Variants in TPCN1 observed in about 807,000 individuals in gnomAD.
The protein encoded by TPCN1 is two pore segment channel 1, also known as two pore channel protein 1.
TPCN1 carries 52 observed loss-of-function variants against 108.8 expected under a neutral mutation model. The ratio of observed to expected loss-of-function variants is 0.48; its 90% confidence interval spans 0.38 to 0.60. The LOEUF is 0.60. Among genes scored for constraint, TPCN1 ranks in the 20% least tolerant of loss-of-function variants. TPCN1 has a pLI of 0.00. For synonymous variants in TPCN1, 446 were observed against 433.7 expected (o/e 1.03, Z -0.35); for missense variants, 806 against 1,072.8 (o/e 0.75, Z 3.47).
intron 1 of TPCN1, among the ~76,000 whole-genome samples, chr12:113,222,875 C>G (rs963939226): frequency 6.6e-6 from 1 of 152,218 alleles, no homozygotes. Context: ...GAAACCTCTT[C>G]TCTGTGAGTT....
At position 113,288,463 on chromosome 12, in the gene TPCN1, A is replaced by C; in HGVS notation, c.1706+229A>C. The stretch of plus-strand genomic sequence containing the variant: ...TTAGTAGGGAGGGCAGGGAGCTGTC[A>C]ACTCGCTTACCACCTGTGTCTACAT... On this transcript the variant is annotated intron_variant, in intron 20 of 27. Coordinates refer to ENST00000335509, the MANE Select transcript of TPCN1 (RefSeq NM_017901.6). The surrounding 1 kb of genome is among the most constrained non-coding windows in gnomAD (Gnocchi z 4.8). The C allele has an allele frequency of 1.3e-6, 2 of 1,496,040 alleles. No homozygotes were observed. Among genetic ancestry groups the C allele is most frequent in the Non-Finnish European group, 1.8e-6 (2 of 1,124,254 alleles). 92.7% of individuals were successfully genotyped at this position (1,496,040 alleles called of 1,614,324 possible).
rs914714919 is a variant in TPCN1 at position 113,268,642 on chromosome 12, A to C, written c.529-100A>C. On this transcript the variant is annotated intron_variant, in intron 5 of 27. Transcript: ENST00000335509. The surrounding 1 kb of genome is among the most constrained non-coding windows in gnomAD (Gnocchi z 7.3). ...GCTGGAGAGAGGAGAAGGCCTCCCGAGGCCAGAGTGGGCACTGCCTCTCCA... is the reference window on the plus strand; with the variant it reads ...GCTGGAGAGAGGAGAAGGCCTCCCGCGGCCAGAGTGGGCACTGCCTCTCCA... 8 of 1,494,668 alleles carry C rather than the reference A, an allele frequency of 5.4e-6. No homozygotes were observed. Among genetic ancestry groups the C allele is most frequent in the Middle Eastern group, 2.4e-4 (1 of 4,170 alleles). 92.6% of individuals were successfully genotyped at this position (1,494,668 alleles called of 1,614,324 possible). A position where few individuals can be genotyped will look rare whatever the true frequency, so the allele number is the denominator to read the frequency against.
chr12:113,294,863 C>T (rs1956376968), intron 27 of TPCN1, among the ~76,000 whole-genome samples: 1 of 152,184 alleles, frequency 6.6e-6, no homozygotes. Context: ...TGGCTTTGCT[C>T]TGTTTTCTGG....
At chr12:113,240,385 G>T (rs563985834) in intron 2 of TPCN1, among the ~76,000 whole-genome samples, 1 of 152,098 alleles carries the variant, frequency 6.6e-6, no homozygotes, top group South Asian at 2.1e-4. Flanking sequence ...TGAGTGTCGC[G>T]CAGTCTGCAA....
At chr12:113,240,111 G>T (rs1172609146) in intron 2 of TPCN1, among the ~76,000 whole-genome samples, 1 of 152,172 alleles carries the variant, frequency 6.6e-6, no homozygotes, top group Non-Finnish European at 1.5e-5. Context: ...TTACTGCACA[G>T]CCTCGAGCCA....
At chr12:113,249,424 G>A (rs891890591) in intron 2 of TPCN1, 1 of 152,284 alleles carries the variant, frequency 6.6e-6, no homozygotes, top group African/African-American at 2.4e-5. Context: ...TGGGGAGCCA[G>A]GAAGCCTGGA....
intron 1 of TPCN1, among the ~76,000 whole-genome samples, chr12:113,226,278 A>T (rs1283633355): frequency 6.6e-6 from 1 of 151,810 alleles, no homozygotes; most frequent in Admixed American, 6.6e-5. Context: ...ATTAAGATAT[A>T]ATTTACCATT....
chr12:113,286,337 A>T (rs1361910698), intron 18 of TPCN1, among the ~76,000 whole-genome samples: 2 of 132,766 alleles, frequency 1.5e-5, no homozygotes, highest in Admixed American at 7.5e-5. Flanking sequence ...CCTTCTCCCT[A>T]TTCCCCAGAG....
intron 22 of TPCN1, 104 bp downstream of exon 22, chr12:113,290,347 C>T (rs1225244814): frequency 7.3e-6 from 6 of 823,568 alleles, no homozygotes; most frequent in Non-Finnish European, 1.2e-5. Flanking sequence ...CTGGGCCACA[C>T]TTTCTGGAAG....
chr12:113,277,338 G>T lies in TPCN1; in HGVS notation c.1158G>T (p.Leu386=). 6.2e-7 allele frequency: 1 copy of T among 1,614,190 alleles called. No individual in the cohort carries two copies. Among genetic ancestry groups the T allele is most frequent in the South Asian group, 1.1e-5 (1 of 91,082 alleles). The change falls in exon 12 of 28, where the codon CTG becomes CTT. Residue 386 remains leucine (L), a synonymous_variant. Coordinates refer to ENST00000335509, the MANE Select transcript of TPCN1 (RefSeq NM_017901.6). ...ARERYLTFKA[L]NQNNTPLLSL... ...AGCGCTATCTTACCTTCAAGGCCCT[G>T]AATCAGAACAACACACCCCTGCTCA...
chr12:113,285,973 G>A lies in TPCN1; in HGVS notation c.1526+12G>A. ...TCCGGATGGAACTTGTGAGTGGACA[G>A]CATGTTTCTGACCCAAAGCTGAGAC... On this transcript the variant is annotated intron_variant, in intron 18 of 27. Transcript: ENST00000335509. 6.2e-7 allele frequency: 1 copy of A among 1,612,522 alleles called. No homozygotes were observed. The highest frequency in any genetic ancestry group is 8.5e-7 in the Non-Finnish European group (1 of 1,178,492).
At chr12:113,229,286 G>C (rs1953587821) in intron 2 of TPCN1, among the ~76,000 whole-genome samples, 1 of 152,156 alleles carries the variant, frequency 6.6e-6, no homozygotes, top group South Asian at 2.1e-4. Flanking sequence ...CTTCTTACTG[G>C]GTCATTTTTT....
intron 3 of TPCN1, among the ~76,000 whole-genome samples, chr12:113,260,947 C>T (rs1372778725): frequency 6.6e-6 from 1 of 151,826 alleles, no homozygotes; most frequent in Non-Finnish European, 1.5e-5. Context: ...AATCCCAGCA[C>T]TTTGGGAGGC....
intron 25 of TPCN1, chr12:113,292,309 C>T (rs1006892451): frequency 3.3e-6 from 1 of 300,850 alleles, no homozygotes. Context: ...GTCATCTCCA[C>T]GTTTCTCAAT....
At chr12:113,267,780 G>C (rs1187141803) in intron 4 of TPCN1, 63 bp from the exon 5 acceptor site, 47 of 1,155,350 alleles carry the variant, frequency 4.1e-5, no homozygotes. Flanking sequence ...GGGAGGGTTG[G>C]GCAAAGAGGA....
rs1454432662 is a variant in TPCN1 at position 113,273,953 on chromosome 12, A to G, written c.942+285A>G. On this transcript the variant is annotated intron_variant, in intron 10 of 27. Transcript: ENST00000335509. The surrounding 1 kb of genome is among the most constrained non-coding windows in gnomAD (Gnocchi z 4.0). ...GCAACCCTGGGACCTTTTCATTCTT[A>G]CATCAGAAATAAGCAGTTGACCCTC... Among the ~76,000 whole-genome samples, 1 of 152,194 alleles carries G rather than the reference A, an allele frequency of 6.6e-6. No individual in the cohort carries two copies. Among genetic ancestry groups the G allele is most frequent in the Non-Finnish European group, 1.5e-5 (1 of 68,038 alleles).
Position 113,290,094 on chromosome 12 carries a change from A to C in TPCN1, c.1797-34A>C, listed in dbSNP as rs1412085240. 3 of 1,395,688 alleles carry C rather than the reference A, an allele frequency of 2.1e-6. No individual in the cohort carries two copies. The African/African-American group carries it at 4.3e-5, about 20-fold the overall frequency. The allele number at this position is 1,395,688 out of a possible 1,614,324, so 86.5% of individuals were successfully genotyped here. On this transcript the variant is annotated intron_variant, in intron 21 of 27. Coordinates refer to ENST00000335509, the MANE Select transcript of TPCN1 (RefSeq NM_017901.6). ...TCTGGAGGTGACTGATCGCCTTGTGACCCTCCCTCCTTTCTCCCTTGTGCT... is the reference window on the plus strand; with the variant it reads ...TCTGGAGGTGACTGATCGCCTTGTGCCCCTCCCTCCTTTCTCCCTTGTGCT...
intron 15 of TPCN1, among the ~76,000 whole-genome samples, chr12:113,283,695 A>T (rs1015032412): frequency 6.6e-6 from 1 of 151,938 alleles, no homozygotes; most frequent in African/African-American, 2.4e-5. Flanking sequence ...TCTCTTAGAG[A>T]GAGGGTCTTG....
intron 2 of TPCN1, 146 bp from the exon 3 acceptor site, chr12:113,260,222 C>G: frequency 1.2e-6 from 1 of 850,912 alleles, no homozygotes; most frequent in Non-Finnish European, 1.7e-6. Context: ...TTGCCATTAT[C>G]AGTACACAGC....
Sources: allele counts gnomAD v4.1 joint callset (sites outside exome capture counted in the v4.1 genomes callset), GRCh38; gene constraint gnomAD v4.1.1; non-coding constraint Gnocchi (gnomAD v3.1); transcripts MANE v1.5; gene names NCBI Gene and HGNC (gene_info 2026-07-23, HGNC 2026-07-21).